ZNF644: variants seen among roughly 807,000 people sequenced by gnomAD.
ZNF644 encodes the protein zinc finger protein 644, also known as zinc finger motif enhancer binding protein 2.
ZNF644 carries 20 observed loss-of-function variants against 108.0 expected under a neutral mutation model. The observed-to-expected ratio is 0.19, with a 90% CI of 0.13 to 0.27. ZNF644 has a LOEUF of 0.27. ZNF644 is among the 10% of genes least tolerant of loss of function. ZNF644 has a pLI of 1.00. For synonymous variants in ZNF644, 542 were observed against 539.1 expected, an observed-to-expected ratio of 1.01 and a Z score of -0.08; for missense variants, 1,338 against 1,548.9, an observed-to-expected ratio of 0.86 and a Z score of 2.29.
At chr1:90,948,209 A>T (rs555957049) in intron 2 of ZNF644, among the ~76,000 whole-genome samples, 2 of 152,350 alleles carry the variant, frequency 1.3e-5, no homozygotes, top group African/African-American at 4.8e-5. Context: ...ACCAAGTCAG[A>T]TATCTATTTG....
At chr1:91,000,685 G>A (rs556117625) in intron 1 of ZNF644, among the ~76,000 whole-genome samples, 1 of 152,250 alleles carries the variant, frequency 6.6e-6, no homozygotes, top group South Asian at 2.1e-4. Context: ...ACTAAGATCA[G>A]AGCAGAACTG....
At position 90,916,355 on chromosome 1, in the gene ZNF644, C is replaced by T. The variant is rs574268999; in HGVS notation, c.*443G>A. ...ATGCCCTAATTTGAGTAAATTTAGT[C>T]AGCGGTTCTTGGTATTATACAAAAC... is the stretch of plus-strand genomic sequence containing the variant. On this transcript the variant is annotated 3_prime_UTR_variant, in exon 6 of 6. Transcript: ENST00000337393. The T allele has an allele frequency of 1.1e-5, 2 of 177,098 alleles. No homozygotes were observed. The highest frequency in any genetic ancestry group is 1.3e-4 in the South Asian group (1 of 7,930). 11.0% of individuals were successfully genotyped at this position (177,098 alleles called of 1,614,324 possible).
intron 1 of ZNF644, chr1:91,020,348 C>G (rs1570603903): frequency 6.6e-6 from 1 of 152,108 alleles, no homozygotes; most frequent in East Asian, 1.9e-4. Flanking sequence ...TCCCTCCAAC[C>G]AAGGAATTCT....
At chr1:90,955,762 A>G (rs1257245124) in intron 2 of ZNF644, among the ~76,000 whole-genome samples, 1 of 152,238 alleles carries the variant, frequency 6.6e-6, no homozygotes, top group Non-Finnish European at 1.5e-5. Context: ...AACTTTCTCC[A>G]TATCAGTAAC....
chr1:91,021,277 T>C (rs1660877336), intron 1 of ZNF644: 1 of 153,030 alleles, frequency 6.5e-6, no homozygotes, highest in Non-Finnish European at 1.5e-5. Flanking sequence ...ATTTACCTCT[T>C]GCTGTTACTT....
At position 91,007,220 on chromosome 1, in the gene ZNF644, ATTTTGTTTTTTT is replaced by A. The variant is rs1659524163; in HGVS notation, c.-18+14758_-18+14769del. Among the ~76,000 whole-genome samples, 5 of 30,314 alleles carry A rather than the reference ATTTTGTTTTTTT, an allele frequency of 1.6e-4. No individual in the cohort carries two copies. The South Asian group carries it at 3.6e-3, about 22-fold the overall frequency. 19.9% of individuals were successfully genotyped at this position (30,314 alleles called of 152,430 possible). On this transcript the variant is annotated intron_variant, in intron 1 of 5. Transcript: ENST00000337393. ...TTCTTAATTTCTTCCATTTTCTCCC[ATTTTGTTTTTTT>A]TTTTTTTTTTTTTTTTTTTTTGAGA...
chr1:90,992,326 GAACA>G (rs1323597284), intron 1 of ZNF644, among the ~76,000 whole-genome samples: 1 of 140,432 alleles, frequency 7.1e-6, no homozygotes, highest in Non-Finnish European at 1.6e-5. Flanking sequence ...AGTATACAAA[GAACA>G]AATAGAAAAA....
At chr1:90,926,189 G>A (rs2100825720) in intron 4 of ZNF644, among the ~76,000 whole-genome samples, 1 of 152,252 alleles carries the variant, frequency 6.6e-6, no homozygotes, top group East Asian at 1.9e-4. Context: ...GGTCCATGAA[G>A]GCTGCACATA....
intron 1 of ZNF644, among the ~76,000 whole-genome samples, chr1:90,988,287 T>A (rs1657310282): frequency 6.6e-6 from 1 of 152,100 alleles, no homozygotes; most frequent in South Asian, 2.1e-4. Flanking sequence ...TTAACACAAT[T>A]CCATGTACAA....
intron 1 of ZNF644, among the ~76,000 whole-genome samples, chr1:91,015,461 G>C (rs1482850542): frequency 6.6e-6 from 1 of 152,090 alleles, no homozygotes; most frequent in African/African-American, 2.4e-5. Flanking sequence ...TTACAAATAC[G>C]CATAGCCACT....
At chr1:90,943,975 G>A (rs890603051) in intron 2 of ZNF644, among the ~76,000 whole-genome samples, 2 of 152,118 alleles carry the variant, frequency 1.3e-5, no homozygotes, top group African/African-American at 2.4e-5. Flanking sequence ...TTTCCTTTCC[G>A]TTCCCACTTA....
intron 4 of ZNF644, among the ~76,000 whole-genome samples, chr1:90,935,723 G>A (rs559638602): frequency 6.6e-6 from 1 of 152,314 alleles, no homozygotes; most frequent in South Asian, 2.1e-4. Context: ...GTCAACTCAT[G>A]CTCTTTGGAA....
intron 1 of ZNF644, among the ~76,000 whole-genome samples, chr1:90,998,510 A>T (rs909262359): frequency 1.2e-4 from 19 of 152,232 alleles, no homozygotes; most frequent in African/African-American, 4.6e-4. Flanking sequence ...GAAAACTAAC[A>T]AACAGAAAGG....
intron 1 of ZNF644, among the ~76,000 whole-genome samples, chr1:91,013,231 G>A (rs981308287): frequency 1.3e-5 from 2 of 151,846 alleles, no homozygotes; most frequent in Non-Finnish European, 2.9e-5. Flanking sequence ...ACACCACCAT[G>A]CCCAGCTAAT....
chr1:90,992,889 C>T (rs1657777764), intron 1 of ZNF644, among the ~76,000 whole-genome samples: 1 of 151,866 alleles, frequency 6.6e-6, no homozygotes, highest in African/African-American at 2.4e-5. Context: ...TACAAAAATA[C>T]AAAAATTAGC....
intron 1 of ZNF644, among the ~76,000 whole-genome samples, chr1:91,012,121 G>GC (rs886620231): frequency 1.6e-4 from 25 of 151,982 alleles, no homozygotes; most frequent in Non-Finnish European, 3.2e-4. Context: ...GGAAAAAAGG[G>GC]CCATAGTACC....
chr1:90,931,701 A>G (rs1034565685), intron 4 of ZNF644, among the ~76,000 whole-genome samples: 6 of 152,182 alleles, frequency 3.9e-5, no homozygotes, highest in African/African-American at 1.2e-4. Flanking sequence ...CAAATCTTCA[A>G]TTCTAAATCT....
intron 2 of ZNF644, among the ~76,000 whole-genome samples, chr1:90,971,827 C>T (rs1334614250): frequency 6.6e-6 from 1 of 152,150 alleles, no homozygotes; most frequent in East Asian, 1.9e-4. Context: ...ACTGCTCTCC[C>T]AAGTCTCACC....
intron 2 of ZNF644, among the ~76,000 whole-genome samples, chr1:90,978,870 G>A (rs560108417): frequency 6.2e-4 from 94 of 151,596 alleles, no homozygotes; most frequent in African/African-American, 2.1e-3. Flanking sequence ...GTCTATATAC[G>A]GTAAGAATCT....
Sources: gnomAD v4.1 joint callset for allele counts (sites outside exome capture counted in the v4.1 genomes callset) on GRCh38, gnomAD v4.1.1 for gene constraint, MANE v1.5 for transcripts, NCBI Gene and HGNC (gene_info 2026-07-23, HGNC 2026-07-21) for gene names.